Variants in RNLS observed in about 807,000 individuals in gnomAD.
RNLS encodes renalase, FAD dependent amine oxidase.
In RNLS, 39 loss-of-function variants were observed where a neutral mutation model predicts 39.8. That is an observed-to-expected ratio of 0.98 (90% CI 0.76 to 1.28). The LOEUF (loss-of-function observed/expected upper bound fraction) is 1.28, where lower values mean the gene tolerates loss of function less well. Among genes scored for constraint, RNLS ranks in the 50% most tolerant of loss-of-function variants. RNLS has a pLI of 0.00. For synonymous variants in RNLS, 147 were observed against 150.7 expected (o/e 0.98, Z 0.18); for missense variants, 410 against 413.3 (o/e 0.99, Z 0.07).
At chr10:88,180,284 G>A in the RNLS span, among the ~76,000 whole-genome samples, 1 of 152,198 alleles carries the variant, frequency 6.6e-6, no homozygotes, top group African/African-American at 2.4e-5. Context: ...CACCATGTCA[G>A]AAAATTTCTC....
At position 88,324,656 on chromosome 10, in the gene RNLS, G is replaced by A. The variant is rs148184707; in HGVS notation, c.701-10015C>T. ...TAATGGGTTTACTAGAAGCCCAAACGCCAGCATTACACAATATACGCATGT... is the reference window on the plus strand; with the variant it reads ...TAATGGGTTTACTAGAAGCCCAAACACCAGCATTACACAATATACGCATGT... On this transcript the variant is annotated intron_variant, in intron 5 of 6. Transcript: ENST00000331772. Among the ~76,000 whole-genome samples, 628 of 152,094 alleles carry A rather than the reference G, an allele frequency of 4.1e-3. 5 individuals carry two copies. The highest frequency in any genetic ancestry group is 0.029 in the South Asian group (138 of 4,820).
intron 4 of RNLS, among the ~76,000 whole-genome samples, chr10:88,517,682 G>T (rs1846486715): frequency 6.6e-6 from 1 of 151,814 alleles, no homozygotes; most frequent in Admixed American, 6.6e-5. Flanking sequence ...TTCAGTTAAA[G>T]AAATTTCTTC....
chr10:88,444,244 A>T (rs977944539), intron 4 of RNLS, among the ~76,000 whole-genome samples: 1 of 152,192 alleles, frequency 6.6e-6, no homozygotes, highest in Non-Finnish European at 1.5e-5. Flanking sequence ...ATTCCAACAG[A>T]CCTGCAGCTG....
chr10:88,376,635 G>T (rs946768177), intron 4 of RNLS, among the ~76,000 whole-genome samples: 1 of 152,004 alleles, frequency 6.6e-6, no homozygotes, highest in East Asian at 1.9e-4. Context: ...TCACTGAATC[G>T]CCAGCTTTAT....
chr10:88,312,639 A>G (rs962369415), intron 6 of RNLS, among the ~76,000 whole-genome samples: 1 of 152,190 alleles, frequency 6.6e-6, no homozygotes, highest in Non-Finnish European at 1.5e-5. Context: ...TGTGCTCATC[A>G]CTATAGAGAG....
At chr10:88,186,893 T>A in the RNLS span, among the ~76,000 whole-genome samples, 9 of 151,972 alleles carry the variant, frequency 5.9e-5, no homozygotes, top group Non-Finnish European at 1.3e-4. Context: ...ACAGTTCAGG[T>A]ATACTTTCTA....
chr10:88,173,721 A>G, the RNLS span, among the ~76,000 whole-genome samples: 3 of 152,344 alleles, frequency 2.0e-5, no homozygotes, highest in East Asian at 3.9e-4. Context: ...TTAAAAGGCT[A>G]GTGAAAACTA....
At chr10:88,265,590 GTATTT>G in the RNLS span, among the ~76,000 whole-genome samples, 1 of 152,000 alleles carries the variant, frequency 6.6e-6, no homozygotes, top group Non-Finnish European at 1.5e-5. Context: ...ATATTCCTAG[GTATTT>G]TATTTTATTT....
chr10:88,571,257 T>G (rs1849818895), intron 4 of RNLS, among the ~76,000 whole-genome samples: 1 of 152,084 alleles, frequency 6.6e-6, no homozygotes, highest in African/African-American at 2.4e-5. Flanking sequence ...GCTGGGATTA[T>G]AGGCATGAGC....
chr10:88,370,839 C>T (rs137998220), intron 4 of RNLS, among the ~76,000 whole-genome samples: 5 of 152,202 alleles, frequency 3.3e-5, no homozygotes, highest in East Asian at 3.9e-4. Flanking sequence ...TATAAAAGCA[C>T]GGAATCAGTC....
At chr10:88,333,842 C>T (rs1589578333) in intron 5 of RNLS, among the ~76,000 whole-genome samples, 1 of 152,288 alleles carries the variant, frequency 6.6e-6, no homozygotes, top group Non-Finnish European at 1.5e-5. Flanking sequence ...CTTGAGGGAA[C>T]TTGTTTCCCC....
At chr10:88,575,092 T>C (rs1170589534) in intron 3 of RNLS, among the ~76,000 whole-genome samples, 1 of 144,052 alleles carries the variant, frequency 6.9e-6, no homozygotes, top group Admixed American at 7.1e-5. Context: ...GCCTTGAAAA[T>C]GTATCCCAAT....
At chr10:88,364,275 G>A (rs1018592451) in intron 4 of RNLS, among the ~76,000 whole-genome samples, 1 of 152,090 alleles carries the variant, frequency 6.6e-6, no homozygotes, top group South Asian at 2.1e-4. Flanking sequence ...TCAAGGATGA[G>A]GGGGAAACTT....
chr10:88,477,068 G>T lies in RNLS; in HGVS notation c.526+95835C>A, dbSNP rs370742637. 2.2e-4 allele frequency among the ~76,000 whole-genome samples: 33 copies of T among 150,728 alleles called. No individual in the cohort carries two copies. In the South Asian group the frequency reaches 6.2e-3, roughly 28 times the overall value. On this transcript the variant is annotated intron_variant, in intron 4 of 6. Coordinates refer to ENST00000331772, the MANE Select transcript of RNLS (RefSeq NM_001031709.3). ...ATTATAAATGAAACTCAAATTCTTG[G>T]ATTAACCCAAAACAAGAGTAATTCA...
intron 4 of RNLS, among the ~76,000 whole-genome samples, chr10:88,501,636 G>A (rs761939780): frequency 2.6e-5 from 4 of 152,058 alleles, no homozygotes; most frequent in African/African-American, 2.4e-5. Flanking sequence ...ACCGCAATGC[G>A]TTAGTTCTTA....
chr10:88,546,495 T>A (rs1589991008), intron 4 of RNLS, among the ~76,000 whole-genome samples: 1 of 152,146 alleles, frequency 6.6e-6, no homozygotes, highest in East Asian at 1.9e-4. Flanking sequence ...ACTTTGAGAA[T>A]TAAGTCAGAG....
chr10:88,315,738 G>GTTTT (rs202128805), intron 5 of RNLS, among the ~76,000 whole-genome samples: 63 of 133,436 alleles, frequency 4.7e-4, no homozygotes, highest in South Asian at 9.4e-4. Flanking sequence ...TACATTTCAG[G>GTTTT]TTTTTTTTTT....
At chr10:88,265,992 A>G in the RNLS span, among the ~76,000 whole-genome samples, 6 of 152,202 alleles carry the variant, frequency 3.9e-5, no homozygotes, top group African/African-American at 7.2e-5. Context: ...GGCAGCTCAC[A>G]TTAGAGAAAT....
intron 3 of RNLS, among the ~76,000 whole-genome samples, chr10:88,573,983 A>C (rs928654873): frequency 6.6e-6 from 1 of 152,192 alleles, no homozygotes; most frequent in South Asian, 2.1e-4. Context: ...TCTACTAAAA[A>C]TACAAAAACT....
Sources: allele counts gnomAD v4.1 joint callset (sites outside exome capture counted in the v4.1 genomes callset), GRCh38; gene constraint gnomAD v4.1.1; transcripts MANE v1.5; gene names NCBI Gene and HGNC (gene_info 2026-07-23, HGNC 2026-07-21).